Variants in SSBP2 observed in about 807,000 individuals in gnomAD.
The protein encoded by SSBP2 is single-stranded DNA-binding protein 2.
SSBP2 carries 17 observed loss-of-function variants against 61.8 expected under a neutral mutation model. The ratio of observed to expected loss-of-function variants is 0.28; its 90% confidence interval spans 0.19 to 0.41. The LOEUF (loss-of-function observed/expected upper bound fraction) is 0.41. SSBP2 is among the 10% of genes least tolerant of loss of function. SSBP2 has a pLI of 1.00. For missense variants in SSBP2, 310 were observed against 458.7 expected (o/e 0.68, Z 2.96); for synonymous variants, 139 against 141.3 (o/e 0.98, Z 0.12).
chr5:81,553,568 T>C (rs540017882), intron 4 of SSBP2, among the ~76,000 whole-genome samples: 46 of 152,290 alleles, frequency 3.0e-4, no homozygotes, highest in African/African-American at 1.0e-3. Flanking sequence ...GAAAAATTTA[T>C]AACCAGAATA....
chr5:81,738,640 G>A (rs1330459282), intron 1 of SSBP2, among the ~76,000 whole-genome samples: 1 of 152,078 alleles, frequency 6.6e-6, no homozygotes, highest in Non-Finnish European at 1.5e-5. Flanking sequence ...AACAATTGCA[G>A]CCATCTTTAA....
intron 4 of SSBP2, among the ~76,000 whole-genome samples, chr5:81,515,377 A>G (rs764341723): frequency 1.3e-5 from 2 of 151,948 alleles, no homozygotes; most frequent in Non-Finnish European, 2.9e-5. Context: ...CAACAAAAAG[A>G]CATATTAAAA....
At chr5:81,719,797 G>A (rs1181085485) in intron 1 of SSBP2, among the ~76,000 whole-genome samples, 3 of 152,116 alleles carry the variant, frequency 2.0e-5, no homozygotes, top group East Asian at 3.9e-4. Flanking sequence ...GGCCAATGCA[G>A]GGCAGGGTAA....
At chr5:81,610,191 G>A (rs759008013) in intron 4 of SSBP2, among the ~76,000 whole-genome samples, 40 of 152,136 alleles carry the variant, frequency 2.6e-4, no homozygotes, top group Non-Finnish European at 8.8e-5. Context: ...CAGCACGGCT[G>A]AGCAAGACTG....
intron 1 of SSBP2, among the ~76,000 whole-genome samples, chr5:81,740,269 G>T (rs1481728440): frequency 6.6e-6 from 1 of 150,524 alleles, no homozygotes; most frequent in South Asian, 2.1e-4. Flanking sequence ...ATTTCTAAGT[G>T]AAGGAATACA....
In SSBP2 at chr5:81,741,027, G is replaced by C. The variant is rs757779287; in HGVS notation, c.62+9954C>G. 5.3e-5 allele frequency among the ~76,000 whole-genome samples: 8 copies of C among 152,092 alleles called. No individual in the cohort carries two copies. In the South Asian group the frequency reaches 6.2e-4, roughly 12 times the overall value. On this transcript the variant is annotated intron_variant, in intron 1 of 16. Coordinates refer to ENST00000320672, the MANE Select transcript of SSBP2 (RefSeq NM_012446.5). Reference sequence around the variant, plus strand: ...CATTACAATTTTTCCGCCATGTTAAGCGATGAAACACACTGAGTCAAAATA... The same window carrying C: ...CATTACAATTTTTCCGCCATGTTAACCGATGAAACACACTGAGTCAAAATA...
At chr5:81,641,004 A>G (rs907377455) in intron 2 of SSBP2, among the ~76,000 whole-genome samples, 4 of 152,218 alleles carry the variant, frequency 2.6e-5, no homozygotes, top group African/African-American at 9.7e-5. Flanking sequence ...TTGACTTTAC[A>G]TAATATGACT....
intron 4 of SSBP2, among the ~76,000 whole-genome samples, chr5:81,600,861 G>A (rs1744296936): frequency 6.6e-6 from 1 of 151,962 alleles, no homozygotes; most frequent in South Asian, 2.1e-4. Flanking sequence ...ATACAGAAAG[G>A]CAATTCTTTC....
chr5:81,525,179 AT>A (rs552535911), intron 4 of SSBP2, among the ~76,000 whole-genome samples: 2 of 151,888 alleles, frequency 1.3e-5, no homozygotes, highest in African/African-American at 4.8e-5. Context: ...TAGGGCTCAC[AT>A]TTTTTTAAAA....
At chr5:81,612,677 G>A (rs948106957) in intron 4 of SSBP2, among the ~76,000 whole-genome samples, 2 of 152,012 alleles carry the variant, frequency 1.3e-5, no homozygotes, top group African/African-American at 4.8e-5. Flanking sequence ...ATTTATACAT[G>A]CAAGTGAACA....
At chr5:81,454,674 C>T (rs1161419460) in intron 10 of SSBP2, among the ~76,000 whole-genome samples, 1 of 149,748 alleles carries the variant, frequency 6.7e-6, no homozygotes, top group African/African-American at 2.5e-5. Context: ...GAGCAAAATT[C>T]CATCTCAAAA....
intron 3 of SSBP2, among the ~76,000 whole-genome samples, chr5:81,623,665 A>G (rs1326996618): frequency 6.6e-6 from 1 of 152,118 alleles, no homozygotes; most frequent in Non-Finnish European, 1.5e-5. Context: ...ATTACCTCAC[A>G]CAATGGACTG....
chr5:81,643,515 T>C (rs558975785), intron 2 of SSBP2, among the ~76,000 whole-genome samples: 1 of 151,664 alleles, frequency 6.6e-6, no homozygotes, highest in East Asian at 1.9e-4. Flanking sequence ...CTAAAATCTC[T>C]CATGTATAGA....
At chr5:81,603,736 G>A (rs1402834038) in intron 4 of SSBP2, among the ~76,000 whole-genome samples, 1 of 152,020 alleles carries the variant, frequency 6.6e-6, no homozygotes, top group African/African-American at 2.4e-5. Context: ...ACAACTATTC[G>A]TTATTAGGTT....
intron 1 of SSBP2, among the ~76,000 whole-genome samples, chr5:81,680,744 A>G (rs1255638194): frequency 6.6e-6 from 1 of 152,216 alleles, no homozygotes; most frequent in Non-Finnish European, 1.5e-5. Flanking sequence ...TGCACTTAAC[A>G]ACAGAGTGAC....
chr5:81,456,917 G>A (rs1297344552), intron 10 of SSBP2, among the ~76,000 whole-genome samples: 2 of 152,178 alleles, frequency 1.3e-5, no homozygotes, highest in African/African-American at 4.8e-5. Flanking sequence ...AAAGTAGAAA[G>A]GCTAGACTGA....
chr5:81,687,184 T>C (rs1049343778), intron 1 of SSBP2, among the ~76,000 whole-genome samples: 3 of 152,132 alleles, frequency 2.0e-5, no homozygotes, highest in Admixed American at 6.5e-5. Flanking sequence ...ATCTGTGCCA[T>C]TGTGGGAGGG....
rs1762104779 is a variant in SSBP2, at chr5:81,428,674, T to C, written c.967A>G (p.Asn323Asp). 4 of 1,612,324 alleles carry C rather than the reference T, an allele frequency of 2.5e-6. No individual in the cohort carries two copies. Among genetic ancestry groups the C allele is most frequent in the Non-Finnish European group, 3.4e-6 (4 of 1,178,712 alleles). ...GGTTGATTACTCAGGCTCATATTATTGGGAGAATTCTGTAAACAAGATTTA... is the reference window on the plus strand; with the variant it reads ...GGTTGATTACTCAGGCTCATATTATCGGGAGAATTCTGTAAACAAGATTTA... Residue 323 changes from asparagine to aspartate, a missense_variant, in exon 16 of 17, where the codon AAT (asparagine) becomes GAT (aspartate). Physicochemically the swap from Asn to Asp is conservative, Grantham distance 23 (BLOSUM62 1). This residue lies in a region of SSBP2 where 44 missense variants were observed against 86.2 expected (regional missense o/e 0.51). Transcript: ENST00000320672.
At chr5:81,464,662 TAAAGAA>T (rs1764773059) in intron 9 of SSBP2, among the ~76,000 whole-genome samples, 1 of 152,116 alleles carries the variant, frequency 6.6e-6, no homozygotes. Flanking sequence ...AATGACAAGC[TAAAGAA>T]AAATTATCCA....
Sources: gnomAD v4.1 joint callset for allele counts (sites outside exome capture counted in the v4.1 genomes callset) on GRCh38, gnomAD v4.1.1 for gene constraint, gnomAD v4.1.1 regional missense constraint, MANE v1.5 for transcripts, NCBI Gene and HGNC (gene_info 2026-07-23, HGNC 2026-07-21) for gene names.